Variants in TAP2 observed in about 807,000 individuals in gnomAD.
TAP2 encodes the protein antigen peptide transporter 2.
TAP2 carries 49 observed loss-of-function variants against 74.7 expected under a neutral mutation model. That is an observed-to-expected ratio of 0.66 (90% CI 0.52 to 0.83). The LOEUF (loss-of-function observed/expected upper bound fraction) is 0.83. Ranked by LOEUF, TAP2 falls within the 40% of genes least tolerant of loss-of-function variation. TAP2 has a pLI of 0.00. For missense variants in TAP2, 739 were observed against 859.0 expected, an observed-to-expected ratio of 0.86 and a Z score of 1.75; for synonymous variants, 306 against 368.4, an observed-to-expected ratio of 0.83 and a Z score of 1.94.
At position 32,832,818 on chromosome 6, in the gene TAP2, G is replaced by A. The variant is rs765010654; in HGVS notation, c.952C>T (p.Leu318Phe). ...KVYNTRHQEV[L>F]REIQDAVARA... ...GCCACTGCATCCTGGATCTCCCGAA[G>A]CACTTCCTGGAAAAGAGGGCCAGCA... Residue 318 changes from leucine (L) to phenylalanine (F), a missense_variant, in exon 6 of 12, where the codon CTT (leucine) becomes TTT (phenylalanine). Physicochemically the swap from Leu to Phe is conservative, Grantham distance 22. Coordinates refer to ENST00000374897, the MANE Select transcript of TAP2 (RefSeq NM_001290043.2). This position sits in a 1 kb window ranked among gnomAD's most constrained non-coding sequence, Gnocchi z 5.9. 17 of 1,612,242 alleles carry A rather than the reference G, an allele frequency of 1.1e-5. No individual in the cohort carries two copies. Among genetic ancestry groups the A allele is most frequent in the Non-Finnish European group, 1.4e-5 (17 of 1,179,992 alleles).
intron 9 of TAP2, 39 bp from the exon 10 acceptor site, chr6:32,830,128 C>T (rs747405535): frequency 3.1e-6 from 5 of 1,612,694 alleles, no homozygotes; most frequent in South Asian, 2.2e-5. Flanking sequence ...TATGTGTAAA[C>T]CCCCAAGGCA....
At chr6:32,823,156 G>A (rs1768413122), downstream of TAP2, among the ~76,000 whole-genome samples, 1 of 152,078 alleles carries the variant, frequency 6.6e-6, no homozygotes, top group Non-Finnish European at 1.5e-5. Context: ...CTGACCTCAG[G>A]TGATCCGCCC....
intron 3 of TAP2, among the ~76,000 whole-genome samples, chr6:32,836,511 G>A (rs1392918778): frequency 6.6e-6 from 1 of 152,216 alleles, no homozygotes; most frequent in Admixed American, 6.5e-5. Context: ...TGTGTCGTTA[G>A]ATGGTTTCAT....
In TAP2 at chr6:32,832,331, A is replaced by C; in HGVS notation, c.1272+2T>G. On this transcript the variant is annotated splice_donor_variant, in intron 7 of 11. Coordinates refer to ENST00000374897, the MANE Select transcript of TAP2 (RefSeq NM_001290043.2). LOFTEE classifies it high-confidence loss of function. This position sits in a 1 kb window ranked among gnomAD's most constrained non-coding sequence, Gnocchi z 5.9. ...GGAGAGCAGGCTTGGCTTCTCGCTC[A>C]CCTGCACATAGCTCCCCACGCTCTC... The C allele has an allele frequency of 6.2e-7, 1 of 1,613,056 alleles. No homozygotes were observed. Among genetic ancestry groups the C allele is most frequent in the Non-Finnish European group, 8.5e-7 (1 of 1,180,024 alleles).
At chr6:32,822,774 G>T (rs780099911), downstream of TAP2, among the ~76,000 whole-genome samples, 1 of 152,026 alleles carries the variant, frequency 6.6e-6, no homozygotes, top group Admixed American at 6.6e-5. Flanking sequence ...CAAGCAATCC[G>T]ACTGCTTAGG....
At position 32,827,653 on chromosome 6, in the gene TAP2, G is replaced by A; in HGVS notation, c.*1253C>T. 1.2e-6 allele frequency: 1 copy of A among 802,484 alleles called. No individual in the cohort carries two copies. The highest frequency in any genetic ancestry group is 1.5e-6 in the Non-Finnish European group (1 of 664,478). 49.7% of individuals were successfully genotyped at this position (802,484 alleles called of 1,614,324 possible). A position where few individuals can be genotyped will look rare whatever the true frequency, so the allele number is the denominator to read the frequency against. ...GGGCAAGAAAACACCATATGCAAAG[G>A]CACAAAGGTGTTGGGGAAGGCAGAA... is the stretch of plus-strand genomic sequence containing the variant. On this transcript the variant is annotated 3_prime_UTR_variant, in exon 12 of 12. Transcript: ENST00000374897.
intron 10 of TAP2, among the ~76,000 whole-genome samples, 156 bp downstream of exon 10, chr6:32,829,774 G>A (rs1422959303): frequency 6.6e-6 from 1 of 152,206 alleles, no homozygotes; most frequent in African/African-American, 2.4e-5. Flanking sequence ...GAGGGAGGCT[G>A]AAGAATTCAG....
At chr6:32,824,412 G>A (rs1319906921), downstream of TAP2, among the ~76,000 whole-genome samples, 1 of 152,036 alleles carries the variant, frequency 6.6e-6, no homozygotes, top group Non-Finnish European at 1.5e-5. Flanking sequence ...ACATTTTCAT[G>A]TTTTTAGGTT....
At chr6:32,830,184 T>C (rs1485810641) in intron 9 of TAP2, 83 bp downstream of exon 9, 1 of 1,612,066 alleles carries the variant, frequency 6.2e-7, no homozygotes, top group East Asian at 2.2e-5. Flanking sequence ...AATGAACACC[T>C]GGTGCGCCTT....
In TAP2 at chr6:32,835,422, TC is replaced by T; in HGVS notation, c.740-64del. ...TGTGTACTGCAGGGCCCCCAGAAAC[TC>T]CCTCCTGACCGTTCCCTCTGACACA... is the stretch of plus-strand genomic sequence containing the variant. On this transcript the variant is annotated intron_variant, in intron 4 of 11. Coordinates refer to ENST00000374897, the MANE Select transcript of TAP2 (RefSeq NM_001290043.2). The surrounding 1 kb of genome is among the most constrained non-coding windows in gnomAD (Gnocchi z 4.0). 6.4e-7 allele frequency: 1 copy of T among 1,573,346 alleles called. No homozygotes were observed. The highest frequency in any genetic ancestry group is 8.7e-7 in the Non-Finnish European group (1 of 1,147,350).
rs1768725140 is a variant in TAP2 at position 32,827,379 on chromosome 6, C to G, written c.*1527G>C. On this transcript the variant is annotated 3_prime_UTR_variant, in exon 12 of 12. Transcript: ENST00000374897. ...TCTCCACTATGAATTAGGCCCTCGG[C>G]CAGGTAGCAGATATAAAGCTTAATA... 7.2e-6 allele frequency: 7 copies of G among 968,392 alleles called. No individual in the cohort carries two copies. The highest frequency in any genetic ancestry group is 8.6e-6 in the Non-Finnish European group (7 of 814,576). The allele number at this position is 968,392 out of a possible 1,614,324, so 60.0% of individuals were successfully genotyped here.
chr6:32,829,246 C>T (rs1234013152), intron 11 of TAP2, among the ~76,000 whole-genome samples, 154 bp downstream of exon 11: 2 of 152,142 alleles, frequency 1.3e-5, no homozygotes, highest in Non-Finnish European at 2.9e-5. Context: ...GGGCTGCCCT[C>T]ACACCACCGG....
intron 7 of TAP2, among the ~76,000 whole-genome samples, chr6:32,831,757 T>C (rs1318207076): frequency 2.6e-5 from 4 of 152,056 alleles, no homozygotes; most frequent in Non-Finnish European, 4.4e-5. Context: ...GATGGATGGA[T>C]AGATGGATGG....
Position 32,827,796 on chromosome 6 carries a change from T to C in TAP2, c.*1110A>G. The stretch of plus-strand genomic sequence containing the variant: ...GAGCACCTGAAGGAATTTCCAGAAA[T>C]GCCATCATCGTATGTGACACAGAAT... On this transcript the variant is annotated 3_prime_UTR_variant, in exon 12 of 12. Transcript: ENST00000374897. 9.2e-6 allele frequency: 8 copies of C among 866,822 alleles called. 2 individuals are homozygous for C. The highest frequency in any genetic ancestry group is 1.1e-5 in the Non-Finnish European group (8 of 752,810). 53.7% of individuals were successfully genotyped at this position (866,822 alleles called of 1,614,324 possible).
intron 10 of TAP2, among the ~76,000 whole-genome samples, 164 bp from the exon 11 acceptor site, chr6:32,829,700 G>A (rs1364048333): frequency 3.3e-5 from 5 of 152,190 alleles, no homozygotes; most frequent in Admixed American, 1.3e-4. Flanking sequence ...GGGACCTGAC[G>A]GGGCTGCCCA....
chr6:32,837,891 G>A lies in TAP2; in HGVS notation c.343C>T (p.Leu115=), dbSNP rs1769527042. Residue 115 remains leucine, a synonymous_variant, in exon 2 of 12, where the codon CTG becomes TTG. Coordinates refer to ENST00000374897, the MANE Select transcript of TAP2 (RefSeq NM_001290043.2). The part of the protein sequence containing the change: ...GYGAAGLSWS[L]WAVLSPPGAQ... ...CCAGGAGGGCTCAGAACAGCCCACA[G>A]TGACCAGCTGAGCCCCGCAGCCCCG... 6.2e-7 allele frequency: 1 copy of A among 1,613,084 alleles called. No individual in the cohort carries two copies. The highest frequency in any genetic ancestry group is 1.3e-5 in the African/African-American group (1 of 74,990).
Position 32,837,792 on chromosome 6 carries a change from C to G in TAP2, c.442G>C (p.Asp148His), listed in dbSNP as rs750165602. 1 of 1,614,104 alleles carries G rather than the reference C, an allele frequency of 6.2e-7. No homozygotes were observed. The highest frequency in any genetic ancestry group is 8.5e-7 in the Non-Finnish European group (1 of 1,180,014). ...MWRLLKLSRP[D>H]LPLLVAAFFF... is the part of the protein sequence containing the mutation. ...AAGGCGGCAACGAGGAGAGGCAGGT[C>G]CGGCCTGGAGAGCTTCAGCAGCCTC... The change falls in exon 2 of 12, where the codon GAC becomes CAC. Residue 148 changes from aspartate to histidine, a missense_variant. Asp to His is a moderately conservative substitution (Grantham distance 81, BLOSUM62 -1). Coordinates refer to ENST00000374897, the MANE Select transcript of TAP2 (RefSeq NM_001290043.2).
chr6:32,835,569 G>C lies in TAP2; in HGVS notation c.739+74C>G, dbSNP rs1418199052. 1 of 1,603,848 alleles carries C rather than the reference G, an allele frequency of 6.2e-7. No homozygotes were observed. The highest frequency in any genetic ancestry group is 1.3e-5 in the African/African-American group (1 of 74,736). Reference sequence around the variant, plus strand: ...TGGCATACGGGTGAAGGCAGGAGGAGAGGCTGTGGGTGGAAGGTCACTGAG... The same window carrying C: ...TGGCATACGGGTGAAGGCAGGAGGACAGGCTGTGGGTGGAAGGTCACTGAG... On this transcript the variant is annotated intron_variant, in intron 4 of 11. Transcript: ENST00000374897. This position sits in a 1 kb window ranked among gnomAD's most constrained non-coding sequence, Gnocchi z 4.0.
In TAP2 at chr6:32,835,971, G is replaced by C. The variant is rs181103724; in HGVS notation, c.609-198C>G. 6.6e-6 allele frequency among the ~76,000 whole-genome samples: 1 copy of C among 152,140 alleles called. No homozygotes were observed. The highest frequency in any genetic ancestry group is 1.5e-5 in the Non-Finnish European group (1 of 67,990). Reference sequence around the variant, plus strand: ...GAATACACAGAGGAAGAAGAAAGAGGAGACATGGTGAGCTAGATGTGAGAA... The same window carrying C: ...GAATACACAGAGGAAGAAGAAAGAGCAGACATGGTGAGCTAGATGTGAGAA... On this transcript the variant is annotated intron_variant, in intron 3 of 11. Transcript: ENST00000374897. The surrounding 1 kb of genome is among the most constrained non-coding windows in gnomAD (Gnocchi z 4.0).
Sources: allele counts gnomAD v4.1 joint callset (sites outside exome capture counted in the v4.1 genomes callset), GRCh38; gene constraint gnomAD v4.1.1; non-coding constraint Gnocchi (gnomAD v3.1); transcripts MANE v1.5; gene names NCBI Gene and HGNC (gene_info 2026-07-23, HGNC 2026-07-21).